SLC50A1: variants seen among roughly 807,000 people sequenced by gnomAD.
SLC50A1 encodes the protein solute carrier family 50 member 1, also known as sugar transporter SWEET1.
A neutral mutation model predicts 28.9 loss-of-function variants in SLC50A1; 22 were observed. The ratio of observed to expected loss-of-function variants is 0.76; its 90% CI spans 0.54 to 1.09. The LOEUF (loss-of-function observed/expected upper bound fraction) is 1.09. Ranked by LOEUF, SLC50A1 falls within the 50% of genes least tolerant of loss-of-function variation. SLC50A1 has a pLI of 0.00. For synonymous variants in SLC50A1, 96 were observed against 110.6 expected (o/e 0.87, Z 0.83); for missense variants, 233 against 273.4 (o/e 0.85, Z 1.04).
At chr1:155,137,017 AT>A (rs1478271509) in intron 3 of SLC50A1, 66 bp downstream of exon 3, 3 of 1,586,966 alleles carry the variant, frequency 1.9e-6, no homozygotes, top group Non-Finnish European at 2.6e-6. Flanking sequence ...GGCAAACACT[AT>A]TTCCTAGAAG....
At position 155,138,348 on chromosome 1, in the gene SLC50A1, T is replaced by C; in HGVS notation, c.*67T>C. On this transcript the variant is annotated 3_prime_UTR_variant, in exon 6 of 6. Coordinates refer to ENST00000368404, the MANE Select transcript of SLC50A1 (RefSeq NM_018845.4). ...ACCAAAGAGACCTCCTTGTTTCAGC[T>C]GGGCCTGCTGTCCAGCTTCCCAGGT... The C allele has an allele frequency of 4.1e-6, 6 of 1,480,410 alleles. 1 individual carries two copies. The South Asian group carries it at 7.0e-5, about 17-fold the overall frequency. 91.7% of individuals were successfully genotyped at this position (1,480,410 alleles called of 1,614,324 possible).
At position 155,138,088 on chromosome 1, in the gene SLC50A1, C is replaced by G; in HGVS notation, c.554C>G (p.Pro185Arg). The G allele has an allele frequency of 6.2e-7, 1 of 1,614,134 alleles. No individual in the cohort carries two copies. The highest frequency in any genetic ancestry group is 8.5e-7 in the Non-Finnish European group (1 of 1,180,010). ...WCLYGFRLRD[P>R]YIMVSNFPGI... ...CTCTATGGGTTTCGACTCAGAGATC[C>G]CTATATCATGGTAAGCACAACTGGG... Residue 185 changes from proline (P) to arginine (R), a missense_variant, in exon 5 of 6, where the codon CCC becomes CGC. Transcript: ENST00000368404.
In SLC50A1 at chr1:155,138,540, A is replaced by G. The variant is rs1408012335; in HGVS notation, c.*259A>G. On this transcript the variant is annotated 3_prime_UTR_variant, in exon 6 of 6. Transcript: ENST00000368404. ...GGTGCAATCTTTAGAATATGCCTTA[A>G]AAGGCCGGGCGCGGTGGCTCACGCC... 6.5e-6 allele frequency: 3 copies of G among 464,028 alleles called. No homozygotes were observed. Among genetic ancestry groups the G allele is most frequent in the Non-Finnish European group, 7.8e-6 (2 of 257,996 alleles). 28.7% of individuals were successfully genotyped at this position (464,028 alleles called of 1,614,324 possible). A position where few individuals can be genotyped will look rare whatever the true frequency, so the allele number is the denominator to read the frequency against.
In SLC50A1 at chr1:155,138,079, T is replaced by C; in HGVS notation, c.545T>C (p.Leu182Pro). Residue 182 changes from leucine (L) to proline (P), a missense_variant, in exon 5 of 6, where the codon CTC (leucine) becomes CCC (proline). Physicochemically the swap from Leu to Pro is moderately conservative, Grantham distance 98. Coordinates refer to ENST00000368404, the MANE Select transcript of SLC50A1 (RefSeq NM_018845.4). ...TCCTGGTGCCTCTATGGGTTTCGACTCAGAGATCCCTATATCATGGTAAGC... is the reference window on the plus strand; with the variant it reads ...TCCTGGTGCCTCTATGGGTTTCGACCCAGAGATCCCTATATCATGGTAAGC... ...SASWCLYGFR[L>P]RDPYIMVSNF... The C allele has an allele frequency of 6.2e-7, 1 of 1,614,116 alleles. No homozygotes were observed.
chr1:155,137,188 G>A, intron 3 of SLC50A1: 1 of 585,218 alleles, frequency 1.7e-6, no homozygotes, highest in Non-Finnish European at 3.0e-6. Context: ...GCCTGCCCTG[G>A]GCTTCAGCCA....
intron 2 of SLC50A1, 134 bp downstream of exon 2, chr1:155,136,510 G>A (rs1401451638): frequency 4.9e-6 from 4 of 822,454 alleles, no homozygotes; most frequent in Middle Eastern, 3.2e-4. Flanking sequence ...TTGGGAGGCC[G>A]AGACGGGCGG....
chr1:155,136,120 C>A, intron 1 of SLC50A1, 129 bp downstream of exon 1: 2 of 1,126,298 alleles, frequency 1.8e-6, no homozygotes, highest in Non-Finnish European at 2.4e-6. Flanking sequence ...GTCGAGGGGA[C>A]CGGGGTACAA....
At chr1:155,137,860 C>A in intron 4 of SLC50A1, 119 bp from the exon 5 acceptor site, 2 of 1,582,168 alleles carry the variant, frequency 1.3e-6, no homozygotes, top group African/African-American at 1.3e-5. Flanking sequence ...GAGTGGGAGG[C>A]AGGAAAGGTT....
upstream of SLC50A1, chr1:155,135,455 A>G (rs1239326398): frequency 1.2e-5 from 10 of 850,490 alleles, no homozygotes; most frequent in East Asian, 2.8e-4. Flanking sequence ...TGGGCAACTG[A>G]GGTTCTGATG....
Position 155,135,946 on chromosome 1 carries a change from A to T in SLC50A1, c.35A>T (p.Tyr12Phe). 6.2e-7 allele frequency: 1 copy of T among 1,613,960 alleles called. No homozygotes were observed. The highest frequency in any genetic ancestry group is 8.5e-7 in the Non-Finnish European group (1 of 1,180,008). Residue 12 changes from tyrosine (Y) to phenylalanine (F), a missense_variant, in exon 1 of 6, where the codon TAC becomes TTC. Transcript: ENST00000368404. ...EAGGFLDSLI[Y>F]GACVVFTLGM... ...GGCGGCTTTCTGGACTCGCTCATTTACGGAGCATGCGTGGTCTTCACCCTT... is the reference window on the plus strand; with the variant it reads ...GGCGGCTTTCTGGACTCGCTCATTTTCGGAGCATGCGTGGTCTTCACCCTT...
chr1:155,137,452 C>T, intron 3 of SLC50A1, 109 bp from the exon 4 acceptor site: 1 of 1,391,790 alleles, frequency 7.2e-7, no homozygotes, highest in South Asian at 1.3e-5. Context: ...TGCTGGAGGC[C>T]TAGACAGCTT....
intron 2 of SLC50A1, 73 bp downstream of exon 2, chr1:155,136,449 G>C: frequency 6.9e-7 from 1 of 1,448,000 alleles, no homozygotes; most frequent in Non-Finnish European, 9.6e-7. Flanking sequence ...AGGAGCAAGA[G>C]TGAAAGAGGT....
In SLC50A1 at chr1:155,137,567, G is replaced by T. The variant is rs1664560822; in HGVS notation, c.289G>T (p.Val97Leu). The T allele has an allele frequency of 6.2e-7, 1 of 1,613,934 alleles. No individual in the cohort carries two copies. The highest frequency in any genetic ancestry group is 1.3e-5 in the African/African-American group (1 of 74,920). The change falls in exon 4 of 6, where the codon GTG becomes TTG. Residue 97 changes from valine to leucine, a missense_variant. By Grantham distance (32) the Val-to-Leu change is conservative (BLOSUM62 1). Coordinates refer to ENST00000368404, the MANE Select transcript of SLC50A1 (RefSeq NM_018845.4). Reference sequence around the variant, plus strand: ...GGTACTCTCTCCCCTGCAGCGTGTTGTGCTCCTACAGACTGCAACCCTGCT... The same window carrying T: ...GGTACTCTCTCCCCTGCAGCGTGTTTTGCTCCTACAGACTGCAACCCTGCT... ...YLHYCPRKRV[V>L]LLQTATLLGV...
In SLC50A1 at chr1:155,135,899, G is replaced by C. The variant is rs200221099; in HGVS notation, c.-13G>C. ...GCGGCGGGCGCTGGGCGCGGGATCC[G>C]ACTCTAGTCGTAATGGAGGCGGGCG... On this transcript the variant is annotated 5_prime_UTR_variant, in exon 1 of 6. Coordinates refer to ENST00000368404, the MANE Select transcript of SLC50A1 (RefSeq NM_018845.4). 1.9e-4 allele frequency: 304 copies of C among 1,613,144 alleles called. No individual in the cohort carries two copies. The Middle Eastern group carries it at 5.5e-3, about 29-fold the overall frequency.
chr1:155,137,663 T>C lies in SLC50A1; in HGVS notation c.385T>C (p.Leu129=), dbSNP rs969411371. The C allele has an allele frequency of 2.5e-6, 4 of 1,614,172 alleles. No individual in the cohort carries two copies. Among genetic ancestry groups the C allele is most frequent in the South Asian group, 1.1e-5 (1 of 91,078 alleles). Residue 129 remains leucine (L), a synonymous_variant, in exon 4 of 6, where the codon TTG becomes CTG. Coordinates refer to ENST00000368404, the MANE Select transcript of SLC50A1 (RefSeq NM_018845.4). ...VPNPEARLQQ[L]GLFCSVFTIS... is the part of the protein sequence containing the mutation. ...CAACCCTGAGGCCCGGCTTCAGCAG[T>C]TGGGCCTCTTCTGCAGTGTCTTCAC...
rs71628645 is a variant in SLC50A1 at position 155,138,831 on chromosome 1, A to G, written c.*550A>G. Reference sequence around the variant, plus strand: ...TATGCTGATATGAATATGCCTTAAAATAAAGTGTTCCCCACCCCTGCCCAC... The same window carrying G: ...TATGCTGATATGAATATGCCTTAAAGTAAAGTGTTCCCCACCCCTGCCCAC... On this transcript the variant is annotated 3_prime_UTR_variant, in exon 6 of 6. Transcript: ENST00000368404. 6.8e-3 allele frequency: 1,067 copies of G among 157,216 alleles called. 4 individuals are homozygous for G. The highest frequency in any genetic ancestry group is 0.024 in the Middle Eastern group (7 of 294). The allele number at this position is 157,216 out of a possible 1,614,324, so 9.7% of individuals were successfully genotyped here. A position where few individuals can be genotyped will look rare whatever the true frequency, so the allele number is the denominator to read the frequency against.
chr1:155,138,233 GA>G lies in SLC50A1; in HGVS notation c.620del (p.Lys207SerfsTer71). 7 of 1,614,104 alleles carry G rather than the reference GA, an allele frequency of 4.3e-6. No homozygotes were observed. Among genetic ancestry groups the G allele is most frequent in the Non-Finnish European group, 5.9e-6 (7 of 1,180,026 alleles). ...GCTTTATCCGCTTCTGGCTTTTCTG[GA>G]AGTACCCCCAGGAGCAAGACAGGAA... is the stretch of plus-strand genomic sequence containing the variant. ...TSFIRFWLFW[K>X]YPQEQDRNYW... On this transcript the variant is annotated frameshift_variant, in exon 6 of 6. Coordinates refer to ENST00000368404, the MANE Select transcript of SLC50A1 (RefSeq NM_018845.4). LOFTEE classifies it high-confidence loss of function.
At chr1:155,135,738 G>A (rs780033315), upstream of SLC50A1, 4 of 1,549,382 alleles carry the variant, frequency 2.6e-6, no homozygotes, top group Admixed American at 7.8e-5. Context: ...TTCCGGTTCG[G>A]CGTCGGAGGG....
intron 2 of SLC50A1, 61 bp from the exon 3 acceptor site, chr1:155,136,767 C>G: frequency 6.2e-7 from 1 of 1,602,798 alleles, no homozygotes; most frequent in Non-Finnish European, 8.5e-7. Context: ...AGTGAAAGAC[C>G]CTTTGGGTCC....
Sources: allele counts gnomAD v4.1 joint callset, GRCh38; gene constraint gnomAD v4.1.1; transcripts MANE v1.5; gene names NCBI Gene and HGNC (gene_info 2026-07-23, HGNC 2026-07-21).